Variants in MIR2052HG observed in about 807,000 individuals in gnomAD.
MIR2052HG encodes MIR2052 host gene.
intron 1 of MIR2052HG, among the ~76,000 whole-genome samples, chr8:74,602,698 G>T (rs186851133): frequency 6.6e-6 from 1 of 151,434 alleles, no homozygotes; most frequent in East Asian, 2.0e-4. Flanking sequence ...TTTTTTTTAA[G>T]CAGAGACGGA....
intron 2 of MIR2052HG, among the ~76,000 whole-genome samples, chr8:74,678,838 A>G (rs117293618): frequency 0.06 from 9,192 of 152,166 alleles, 339 homozygotes; most frequent in Non-Finnish European, 0.083. Flanking sequence ...CTGATCATTT[A>G]TGTATTAAAA....
chr8:74,703,585 T>C (rs139677095), intron 3 of MIR2052HG: 50 of 447,208 alleles, frequency 1.1e-4, no homozygotes, highest in African/African-American at 9.7e-4. Context: ...ATCTCAGCTA[T>C]ATTCTGCTAT....
intron 2 of MIR2052HG, among the ~76,000 whole-genome samples, chr8:74,620,279 A>G (rs1240818567): frequency 2.0e-5 from 3 of 152,254 alleles, no homozygotes; most frequent in South Asian, 2.1e-4. Context: ...TTCCAGGTGC[A>G]TGGTGCAAGC....
chr8:74,653,102 C>A (rs1348321230), intron 2 of MIR2052HG, among the ~76,000 whole-genome samples: 2 of 152,140 alleles, frequency 1.3e-5, no homozygotes, highest in African/African-American at 2.4e-5. Context: ...TTCACAAACA[C>A]AAATGCTGGC....
intron 2 of MIR2052HG, among the ~76,000 whole-genome samples, chr8:74,653,055 T>A (rs1172690590): frequency 1.3e-5 from 2 of 151,944 alleles, no homozygotes; most frequent in Non-Finnish European, 2.9e-5. Context: ...TACCTAAACT[T>A]TTTTTTCCCC....
At chr8:74,708,907 A>G (rs1360138974) in intron 4 of MIR2052HG, among the ~76,000 whole-genome samples, 2 of 152,074 alleles carry the variant, frequency 1.3e-5, no homozygotes, top group Admixed American at 6.6e-5. Flanking sequence ...GAACTGTAAG[A>G]TAGAAAATGA....
intron 4 of MIR2052HG, among the ~76,000 whole-genome samples, chr8:74,721,439 C>G (rs780647297): frequency 3.3e-5 from 5 of 152,166 alleles, no homozygotes; most frequent in African/African-American, 9.7e-5. Context: ...CCATATGGTA[C>G]TGACTTGGTC....
chr8:74,696,182 T>C (rs1809294191), intron 2 of MIR2052HG, among the ~76,000 whole-genome samples: 1 of 152,028 alleles, frequency 6.6e-6, no homozygotes, highest in South Asian at 2.1e-4. Flanking sequence ...CTCAAAACCA[T>C]GCAAATACAT....
intron 1 of MIR2052HG, chr8:74,603,732 C>T (rs575504265): frequency 9.2e-6 from 8 of 872,796 alleles, no homozygotes; most frequent in Admixed American, 3.4e-5. Flanking sequence ...TCACGCCCTT[C>T]GGGGGGGACT....
At position 74,657,779 on chromosome 8, in the gene MIR2052HG, A is replaced by G. The variant is rs187388549; in HGVS notation, n.217-44600A>G. Among the ~76,000 whole-genome samples, 11 of 152,220 alleles carry G rather than the reference A, an allele frequency of 7.2e-5. No individual in the cohort carries two copies. In the East Asian group the frequency reaches 1.9e-3, roughly 27 times the overall value. ...AACAGCAAGAGAAAGACTTGCCCCC[A>G]TGATTCAATTACTTCCCACCGGGAC... On this transcript the variant is annotated intron_variant and non_coding_transcript_variant, in intron 2 of 6. Transcript: ENST00000523442.
chr8:74,749,598 C>A (rs544192103), intron 4 of MIR2052HG, among the ~76,000 whole-genome samples: 1 of 152,032 alleles, frequency 6.6e-6, no homozygotes, highest in Non-Finnish European at 1.5e-5. Flanking sequence ...CGTCTGTAAT[C>A]CCAGCACTTT....
intron 4 of MIR2052HG, among the ~76,000 whole-genome samples, chr8:74,743,222 GATAAAATT>G (rs1377107640): frequency 3.3e-5 from 5 of 151,982 alleles, no homozygotes; most frequent in African/African-American, 1.2e-4. Context: ...TTAAAGCATA[GATAAAATT>G]AAAAGACAGG....
At chr8:74,607,309 G>A (rs996442382) in intron 1 of MIR2052HG, among the ~76,000 whole-genome samples, 5 of 152,064 alleles carry the variant, frequency 3.3e-5, no homozygotes, top group Non-Finnish European at 5.9e-5. Context: ...TAATAATAGA[G>A]CTTAAAAAAT....
intron 1 of MIR2052HG, among the ~76,000 whole-genome samples, chr8:74,601,135 C>A (rs1173599897): frequency 6.6e-6 from 1 of 152,148 alleles, no homozygotes; most frequent in Non-Finnish European, 1.5e-5. Flanking sequence ...AATTTGTTTT[C>A]TTTCCTCAAT....
intron 4 of MIR2052HG, among the ~76,000 whole-genome samples, chr8:74,726,745 A>G (rs1401891895): frequency 1.3e-5 from 2 of 152,172 alleles, no homozygotes; most frequent in African/African-American, 2.4e-5. Flanking sequence ...TTGGTGGATT[A>G]TATGGCATGT....
At chr8:74,608,457 A>G (rs1808144747) in intron 1 of MIR2052HG, among the ~76,000 whole-genome samples, 1 of 152,240 alleles carries the variant, frequency 6.6e-6, no homozygotes, top group Non-Finnish European at 1.5e-5. Context: ...ACTATCAATC[A>G]GGTTGACCTT....
intron 1 of MIR2052HG, among the ~76,000 whole-genome samples, chr8:74,602,857 C>CTTTCTTTCT (rs1563508618): frequency 8.3e-5 from 12 of 144,318 alleles, no homozygotes; most frequent in East Asian, 2.0e-4. Context: ...TTCTTTCTTT[C>CTTTCTTTCT]TTTCTTTCTT....
chr8:74,757,142 A>C (rs1014438841), intron 5 of MIR2052HG: 1 of 152,214 alleles, frequency 6.6e-6, no homozygotes, highest in African/African-American at 2.4e-5. Context: ...ATTTGATGCT[A>C]TGAAAAGCAA....
chr8:74,650,298 T>C (rs1483294000), intron 2 of MIR2052HG, among the ~76,000 whole-genome samples: 1 of 152,184 alleles, frequency 6.6e-6, no homozygotes, highest in Non-Finnish European at 1.5e-5. Context: ...TGTAGTCTTT[T>C]GTGTTTGACT....
Sources: gnomAD v4.1 joint callset for allele counts (sites outside exome capture counted in the v4.1 genomes callset) on GRCh38, gnomAD v4.1.1 for gene constraint, MANE v1.5 for transcripts, NCBI Gene and HGNC (gene_info 2026-07-23, HGNC 2026-07-21) for gene names.